The following ZNF385B variants were observed in gnomAD, a reference collection of about 807,000 sequenced individuals.
ZNF385B encodes the protein zinc finger protein 385B.
In ZNF385B, 23 loss-of-function variants were observed where a neutral mutation model predicts 39.2. The observed-to-expected ratio is 0.59, with a 90% CI of 0.42 to 0.83. The LOEUF is 0.83. Among genes scored for constraint, ZNF385B ranks in the 40% least tolerant of loss-of-function variants. The pLI, the probability that ZNF385B is intolerant of heterozygous loss-of-function variation, is 0.00. For synonymous variants in ZNF385B, 205 were observed against 222.6 expected, an observed-to-expected ratio of 0.92 and a Z score of 0.70; for missense variants, 552 against 598.9, an observed-to-expected ratio of 0.92 and a Z score of 0.82.
chr2:179,512,568 G>A (rs928731232), intron 5 of ZNF385B, among the ~76,000 whole-genome samples: 1 of 152,164 alleles, frequency 6.6e-6, no homozygotes, highest in Non-Finnish European at 1.5e-5. Flanking sequence ...CCAGCTAAAA[G>A]ATCAGGATTC....
intron 4 of ZNF385B, among the ~76,000 whole-genome samples, chr2:179,525,769 T>C (rs2058846339): frequency 6.6e-6 from 1 of 152,176 alleles, no homozygotes. Flanking sequence ...TCAACAGAAC[T>C]TCAAATATTC....
At chr2:179,533,615 G>A (rs1251093588) in intron 4 of ZNF385B, among the ~76,000 whole-genome samples, 3 of 152,140 alleles carry the variant, frequency 2.0e-5, no homozygotes, top group African/African-American at 4.8e-5. Flanking sequence ...TGTGTGGGAG[G>A]GGGAGGAGTG....
At chr2:179,470,350 C>A (rs2052599430) in intron 6 of ZNF385B, among the ~76,000 whole-genome samples, 1 of 152,180 alleles carries the variant, frequency 6.6e-6, no homozygotes, top group South Asian at 2.1e-4. Context: ...ATATTTTGCT[C>A]TGGCTGGAAA....
intron 4 of ZNF385B, among the ~76,000 whole-genome samples, chr2:179,544,063 T>A (rs777658391): frequency 1.3e-5 from 2 of 152,210 alleles, no homozygotes; most frequent in African/African-American, 4.8e-5. Context: ...TGCATTCACC[T>A]GAACTGTGAA....
At chr2:179,813,488 T>C (rs905100537) in intron 1 of ZNF385B, among the ~76,000 whole-genome samples, 1 of 152,134 alleles carries the variant, frequency 6.6e-6, no homozygotes, top group African/African-American at 2.4e-5. Context: ...AACATTAATA[T>C]GATAAATCAT....
Position 179,756,833 on chromosome 2 carries a change from T to C in ZNF385B, c.298+12670A>G, listed in dbSNP as rs188765454. Among the ~76,000 whole-genome samples, 451 of 152,360 alleles carry C rather than the reference T, an allele frequency of 3.0e-3. 3 individuals are homozygous for C. Among genetic ancestry groups the C allele is most frequent in the Admixed American group, 4.8e-3 (73 of 15,308 alleles). ...CTCCATCAGGTCATTTAAGGACTTC[T>C]CTACACTGGTTATTCTAGTTAGCCA... On this transcript the variant is annotated intron_variant, in intron 3 of 9. Transcript: ENST00000410066.
chr2:179,856,922 A>T (rs1684651122), intron 1 of ZNF385B, among the ~76,000 whole-genome samples: 1 of 152,208 alleles, frequency 6.6e-6, no homozygotes, highest in South Asian at 2.1e-4. Flanking sequence ...CCAGGCAGAG[A>T]GGCAGAGGCT....
chr2:179,484,635 G>A (rs748204595), intron 5 of ZNF385B, among the ~76,000 whole-genome samples: 2 of 151,980 alleles, frequency 1.3e-5, no homozygotes, highest in Non-Finnish European at 2.9e-5. Flanking sequence ...CAGACAGAAT[G>A]GGTCTCTGTC....
intron 4 of ZNF385B, among the ~76,000 whole-genome samples, chr2:179,537,312 AAAAAT>A (rs2059631463): frequency 1.7e-5 from 2 of 115,006 alleles, no homozygotes; most frequent in Non-Finnish European, 3.6e-5. Flanking sequence ...TCAAAAAAAA[AAAAAT>A]AAATAAAAAA....
Position 179,689,492 on chromosome 2 carries a change from T to A in ZNF385B, c.298+80011A>T, listed in dbSNP as rs779553606. Among the ~76,000 whole-genome samples the A allele has an allele frequency of 3.3e-5, 5 of 152,226 alleles. No homozygotes were observed. The East Asian group carries it at 5.8e-4, about 18-fold the overall frequency. On this transcript the variant is annotated intron_variant, in intron 3 of 9. Transcript: ENST00000410066. ...GCAGAGCAGCGCATGGAGGGACAAC[T>A]GCAGGAGAGAGAACTTGGGAGAGAA...
rs71994313 is a variant in ZNF385B at position 179,694,956 on chromosome 2, A to AGAGGAGGAG, written c.298+74538_298+74546dup. Among the ~76,000 whole-genome samples, 532 of 148,688 alleles carry AGAGGAGGAG rather than the reference A, an allele frequency of 3.6e-3. 3 individuals are homozygous for AGAGGAGGAG. Among genetic ancestry groups the AGAGGAGGAG allele is most frequent in the Middle Eastern group, 0.021 (6 of 290 alleles). On this transcript the variant is annotated intron_variant, in intron 3 of 9. Coordinates refer to ENST00000410066, the MANE Select transcript of ZNF385B (RefSeq NM_152520.6). ...AAAAAGAAAAAAGAAAAAAGAAAGAAGAGGAGGAGGAGGAGGAGGAGGAGG... is the reference window on the plus strand; with the variant it reads ...AAAAAGAAAAAAGAAAAAAGAAAGAAGAGGAGGAGGAGGAGGAGGAGGAGGAGGAGGAGG...
intron 1 of ZNF385B, among the ~76,000 whole-genome samples, chr2:179,850,317 C>T (rs529790299): frequency 6.6e-6 from 1 of 152,300 alleles, no homozygotes; most frequent in South Asian, 2.1e-4. Flanking sequence ...GGAATTCCTT[C>T]TGTTATGTCT....
chr2:179,591,631 G>C (rs1173547441), intron 3 of ZNF385B, among the ~76,000 whole-genome samples: 1 of 152,170 alleles, frequency 6.6e-6, no homozygotes, highest in Non-Finnish European at 1.5e-5. Context: ...TCAGTACTTG[G>C]TGAGGCTTCA....
intron 3 of ZNF385B, among the ~76,000 whole-genome samples, chr2:179,602,499 TC>T (rs973496466): frequency 2.0e-4 from 30 of 151,490 alleles, no homozygotes; most frequent in African/African-American, 7.3e-4. Flanking sequence ...GCACCCAGCT[TC>T]TTTTTTTTTT....
At chr2:179,518,136 A>G (rs1416675772) in intron 5 of ZNF385B, among the ~76,000 whole-genome samples, 2 of 152,240 alleles carry the variant, frequency 1.3e-5, no homozygotes, top group African/African-American at 4.8e-5. Flanking sequence ...TAGTGAGATT[A>G]ATTGTAAAAT....
At chr2:179,747,686 C>T (rs755019445) in intron 3 of ZNF385B, among the ~76,000 whole-genome samples, 41 of 152,212 alleles carry the variant, frequency 2.7e-4, no homozygotes, top group Admixed American at 1.9e-3. Context: ...TTTGATTATA[C>T]GCCAATCCCT....
At chr2:179,466,237 G>T (rs2105494515) in intron 6 of ZNF385B, among the ~76,000 whole-genome samples, 2 of 152,188 alleles carry the variant, frequency 1.3e-5, no homozygotes, top group African/African-American at 4.8e-5. Context: ...TTCCTTTGTG[G>T]CAGGTCTAGT....
rs557761738 is a variant in ZNF385B, at chr2:179,556,691, T to C, written c.299-11722A>G. Among the ~76,000 whole-genome samples the C allele has an allele frequency of 5.4e-4, 81 of 149,514 alleles. 11 individuals carry two copies. Among genetic ancestry groups the C allele is most frequent in the African/African-American group, 2.0e-3 (79 of 39,708 alleles). On this transcript the variant is annotated intron_variant, in intron 3 of 9. Coordinates refer to ENST00000410066, the MANE Select transcript of ZNF385B (RefSeq NM_152520.6). Reference sequence around the variant, plus strand: ...ATGGTCCTGAGCTACATTTGCCTGGTGACTCTCCTCAATGGCATTAAGACC... The same window carrying C: ...ATGGTCCTGAGCTACATTTGCCTGGCGACTCTCCTCAATGGCATTAAGACC...
intron 6 of ZNF385B, among the ~76,000 whole-genome samples, chr2:179,456,233 A>G (rs1244801712): frequency 6.6e-6 from 1 of 152,208 alleles, no homozygotes; most frequent in Non-Finnish European, 1.5e-5. Flanking sequence ...TTGCTGGGAC[A>G]AAGATCGTGT....
Sources: gnomAD v4.1 joint callset for allele counts (sites outside exome capture counted in the v4.1 genomes callset) on GRCh38, gnomAD v4.1.1 for gene constraint, MANE v1.5 for transcripts, NCBI Gene and HGNC (gene_info 2026-07-23, HGNC 2026-07-21) for gene names.